The following KCNAB1 variants were observed in gnomAD, a reference collection of about 807,000 sequenced individuals.
KCNAB1 encodes voltage-gated potassium channel subunit beta-1.
KCNAB1 carries 35 observed loss-of-function variants against 64.6 expected under a neutral mutation model. The observed-to-expected ratio is 0.54, with a 90% CI of 0.41 to 0.72. KCNAB1 has a LOEUF of 0.72. Ranked by LOEUF, KCNAB1 falls within the 30% of genes least tolerant of loss-of-function variation. KCNAB1 has a pLI of 0.00. For synonymous variants in KCNAB1, 177 were observed against 183.8 expected (o/e 0.96, Z 0.30); for missense variants, 401 against 512.9 (o/e 0.78, Z 2.11).
At chr3:156,372,292 G>C (rs1726358713) in intron 1 of KCNAB1, among the ~76,000 whole-genome samples, 1 of 152,198 alleles carries the variant, frequency 6.6e-6, no homozygotes, top group Non-Finnish European at 1.5e-5. Flanking sequence ...CTGTGGCCTT[G>C]GGTAAGTTAC....
intron 8 of KCNAB1, among the ~76,000 whole-genome samples, chr3:156,509,931 AC>A (rs1237682107): frequency 6.6e-6 from 1 of 151,974 alleles, no homozygotes; most frequent in Non-Finnish European, 1.5e-5. Context: ...TCATGTAAAA[AC>A]CCACCTTGGC....
At chr3:156,284,194 C>T (rs1226402858) in intron 1 of KCNAB1, among the ~76,000 whole-genome samples, 2 of 152,040 alleles carry the variant, frequency 1.3e-5, no homozygotes, top group East Asian at 3.9e-4. Context: ...CAGACAGGAC[C>T]CTCAGCTGCA....
At chr3:156,372,679 G>T (rs1726394374) in intron 1 of KCNAB1, among the ~76,000 whole-genome samples, 1 of 152,216 alleles carries the variant, frequency 6.6e-6, no homozygotes, top group African/African-American at 2.4e-5. Context: ...AGCTGGGTTT[G>T]CCAGGTAGAG....
intron 3 of KCNAB1, chr3:156,457,109 C>T (rs1025707413): frequency 1.6e-5 from 11 of 673,064 alleles, no homozygotes; most frequent in Non-Finnish European, 2.1e-5. Context: ...TGGAGTCACA[C>T]AGTGATACAA....
intron 1 of KCNAB1, among the ~76,000 whole-genome samples, chr3:156,420,032 T>C (rs1390880792): frequency 6.6e-6 from 1 of 152,276 alleles, no homozygotes; most frequent in Non-Finnish European, 1.5e-5. Context: ...CATTTAGTGG[T>C]TCAAAATATT....
intron 1 of KCNAB1, among the ~76,000 whole-genome samples, chr3:156,142,671 C>T (rs1257835224): frequency 6.6e-6 from 1 of 152,150 alleles, no homozygotes; most frequent in Non-Finnish European, 1.5e-5. Context: ...GTTAATGGAC[C>T]TTTCACCCAA....
intron 1 of KCNAB1, among the ~76,000 whole-genome samples, chr3:156,264,095 C>T (rs1718568794): frequency 6.6e-6 from 1 of 151,982 alleles, no homozygotes; most frequent in Non-Finnish European, 1.5e-5. Context: ...TCTATAAGTC[C>T]ATATATACAT....
In KCNAB1 at chr3:156,144,622, G is replaced by A. The variant is rs556895526; in HGVS notation, c.275+23736G>A. Among the ~76,000 whole-genome samples the A allele has an allele frequency of 3.9e-5, 6 of 152,296 alleles. No homozygotes were observed. The East Asian group carries it at 5.8e-4, about 15-fold the overall frequency. On this transcript the variant is annotated intron_variant, in intron 1 of 13. Coordinates refer to ENST00000490337, the MANE Select transcript of KCNAB1 (RefSeq NM_172160.3). ...GCTGTTTCTTTCTGAATCTGTCACCGGAAGGAGCCTGCTTCTCTGTCCCCC... is the reference window on the plus strand; with the variant it reads ...GCTGTTTCTTTCTGAATCTGTCACCAGAAGGAGCCTGCTTCTCTGTCCCCC...
At chr3:156,232,149 GT>G (rs1412303882) in intron 1 of KCNAB1, among the ~76,000 whole-genome samples, 1 of 152,124 alleles carries the variant, frequency 6.6e-6, no homozygotes, top group African/African-American at 2.4e-5. Flanking sequence ...TACTTAGAAA[GT>G]AATAGTAAGC....
At chr3:156,270,687 C>A (rs1718981101) in intron 1 of KCNAB1, among the ~76,000 whole-genome samples, 2 of 152,296 alleles carry the variant, frequency 1.3e-5, no homozygotes, top group African/African-American at 4.8e-5. Flanking sequence ...TTAACCATTT[C>A]ATCTTTTCAT....
chr3:156,422,712 C>T (rs1420935332), intron 2 of KCNAB1, among the ~76,000 whole-genome samples: 4 of 152,154 alleles, frequency 2.6e-5, no homozygotes, highest in Admixed American at 2.6e-4. Context: ...TGAGAGTCAT[C>T]AGCAAGTAGA....
chr3:156,221,299 T>C (rs1715714702), intron 1 of KCNAB1, among the ~76,000 whole-genome samples: 1 of 152,166 alleles, frequency 6.6e-6, no homozygotes, highest in African/African-American at 2.4e-5. Context: ...TCTAAATTAA[T>C]AAATTACCTT....
intron 1 of KCNAB1, among the ~76,000 whole-genome samples, chr3:156,339,104 G>A (rs901970531): frequency 2.0e-5 from 3 of 152,098 alleles, no homozygotes; most frequent in Non-Finnish European, 4.4e-5. Context: ...CTCAGGGGTC[G>A]GGGTATGAAT....
intron 8 of KCNAB1, among the ~76,000 whole-genome samples, chr3:156,509,405 C>G (rs1029718588): frequency 6.6e-6 from 1 of 151,646 alleles, no homozygotes; most frequent in Non-Finnish European, 1.5e-5. Context: ...GCTGCTGCTG[C>G]TGGTCCAGGA....
chr3:156,474,796 C>G lies in KCNAB1; in HGVS notation c.634C>G (p.Pro212Ala). The G allele has an allele frequency of 6.2e-7, 1 of 1,612,988 alleles. No individual in the cohort carries two copies. The highest frequency in any genetic ancestry group is 8.5e-7 in the Non-Finnish European group (1 of 1,179,238). Reference protein sequence around the residue: ...EYVDVVFANRPDSNTPMEEIV... With the variant: ...EYVDVVFANRADSNTPMEEIV... The stretch of plus-strand genomic sequence containing the variant: ...TGTGGATGTGGTCTTTGCAAATCGA[C>G]CGGACAGTAACACTCCCATGGAAGG... Residue 212 changes from proline (P) to alanine (A), a missense_variant, in exon 8 of 14, where the codon CCG becomes GCG. Pro to Ala is a conservative substitution (Grantham distance 27). Transcript: ENST00000490337.
intron 8 of KCNAB1, among the ~76,000 whole-genome samples, chr3:156,490,074 C>T (rs1715523019): frequency 6.6e-6 from 1 of 151,954 alleles, no homozygotes; most frequent in African/African-American, 2.4e-5. Flanking sequence ...TGAGAGATAT[C>T]AGGCACAGAG....
intron 8 of KCNAB1, among the ~76,000 whole-genome samples, chr3:156,511,513 T>C: frequency 6.6e-6 from 1 of 152,222 alleles, no homozygotes; most frequent in Non-Finnish European, 1.5e-5. Context: ...CTTATCTCTG[T>C]AAACAGCCAG....
At chr3:156,443,369 A>G (rs1290065961) in intron 2 of KCNAB1, among the ~76,000 whole-genome samples, 1 of 152,132 alleles carries the variant, frequency 6.6e-6, no homozygotes. Flanking sequence ...AACCTGGGCC[A>G]TACCATTTGG....
At chr3:156,175,568 G>A (rs1577673404) in intron 1 of KCNAB1, among the ~76,000 whole-genome samples, 2 of 152,328 alleles carry the variant, frequency 1.3e-5, no homozygotes, top group South Asian at 2.1e-4. Flanking sequence ...GCAGTGAGCC[G>A]AGATGCGCCA....
Sources: gnomAD v4.1 joint callset for allele counts (sites outside exome capture counted in the v4.1 genomes callset) on GRCh38, gnomAD v4.1.1 for gene constraint, MANE v1.5 for transcripts, NCBI Gene and HGNC (gene_info 2026-07-23, HGNC 2026-07-21) for gene names.